Variants in PAH observed in about 807,000 individuals in gnomAD.
PAH encodes phenylalanine-4-hydroxylase.
Under a neutral mutation model 62.0 loss-of-function variants are expected in PAH, and 64 were observed. The observed-to-expected ratio is 1.03, with a 90% CI of 0.84 to 1.27. The LOEUF is 1.27. PAH is among the 50% of genes most tolerant of loss of function. The probability of loss-of-function intolerance (pLI) is 0.00; values close to 1 mark genes in which losing one functional copy is unlikely to be tolerated. For missense variants in PAH, 579 were observed against 542.8 expected, an observed-to-expected ratio of 1.07 and a Z score of -0.66; for synonymous variants, 195 against 196.2, an observed-to-expected ratio of 0.99 and a Z score of 0.05.
In PAH at chr12:102,879,972, C is replaced by G. The variant is rs143984382; in HGVS notation, c.353-2422G>C. 2.2e-3 allele frequency among the ~76,000 whole-genome samples: 341 copies of G among 152,286 alleles called. 2 individuals carry two copies. Among genetic ancestry groups the G allele is most frequent in the African/African-American group, 7.6e-3 (315 of 41,548 alleles). On this transcript the variant is annotated intron_variant, in intron 3 of 12. Transcript: ENST00000553106. ...CGTACTTGCTGTGTGTTGGACACTG[C>G]CCTAAACATTTCACATATGCTACCC...
chr12:102,955,911 T>C (rs1452189610), intron 1 of PAH, among the ~76,000 whole-genome samples: 1 of 152,074 alleles, frequency 6.6e-6, no homozygotes, highest in Non-Finnish European at 1.5e-5. Context: ...CACGATTTGG[T>C]CCTATACCTC....
rs189045511 is a variant in PAH, at chr12:102,898,621, G to A, written c.169-3703C>T. ...TTTCATACTTAAGTAACACTTTATA[G>A]TATAGAATTCTTTTCTGTGACCATC... is the stretch of plus-strand genomic sequence containing the variant. On this transcript the variant is annotated intron_variant, in intron 2 of 12. Coordinates refer to ENST00000553106, the MANE Select transcript of PAH (RefSeq NM_000277.3). Among the ~76,000 whole-genome samples, 64 of 152,302 alleles carry A rather than the reference G, an allele frequency of 4.2e-4. No homozygotes were observed. The East Asian group carries it at 0.011, about 27-fold the overall frequency.
intron 3 of PAH, among the ~76,000 whole-genome samples, chr12:102,879,612 G>T (rs921852318): frequency 1.3e-5 from 2 of 151,416 alleles, no homozygotes; most frequent in Non-Finnish European, 2.9e-5. Context: ...CTGTGGGGGG[G>T]GGGTACTATT....
At chr12:102,937,442 G>T (rs1879138860) in intron 1 of PAH, among the ~76,000 whole-genome samples, 1 of 151,716 alleles carries the variant, frequency 6.6e-6, no homozygotes, top group Non-Finnish European at 1.5e-5. Context: ...TTATTTGAGG[G>T]TACCAATGAG....
intron 3 of PAH, among the ~76,000 whole-genome samples, chr12:102,879,536 AC>A (rs1018058405): frequency 6.7e-6 from 1 of 150,218 alleles, no homozygotes; most frequent in African/African-American, 2.4e-5. Flanking sequence ...GAGCTGAGGA[AC>A]CTAGGCTCTC....
At chr12:102,950,708 CG>C (rs919900998) in exon 1 of PAH, 1 of 152,220 alleles carries the variant, frequency 6.6e-6, no homozygotes, top group Non-Finnish European at 1.5e-5. Context: ...CCCTGTTGAA[CG>C]CAAGAGCATC....
intron 4 of PAH, chr12:102,877,173 A>G: frequency 2.2e-6 from 1 of 454,698 alleles, no homozygotes. Context: ...GGCAGAAACA[A>G]TGATGATTTG....
chr12:102,844,224 G>A (rs1360832903), intron 10 of PAH, 112 bp downstream of exon 10: 5 of 763,766 alleles, frequency 6.5e-6, no homozygotes, highest in Admixed American at 6.0e-5. Context: ...TGAGTTCCCA[G>A]GTTGCATATC....
intron 4 of PAH, among the ~76,000 whole-genome samples, chr12:102,872,295 T>C (rs1001605118): frequency 2.0e-5 from 3 of 152,202 alleles, no homozygotes; most frequent in South Asian, 4.1e-4. Context: ...TATTTTCCGA[T>C]GACCACGTGT....
chr12:102,853,059 C>A (rs1204481225), intron 6 of PAH, 109 bp from the exon 7 acceptor site: 1 of 1,212,808 alleles, frequency 8.2e-7, no homozygotes, highest in Non-Finnish European at 1.2e-6. Context: ...GGGACATAGG[C>A]TTTGACGCTA....
chr12:102,849,804 T>C (rs1272272985), intron 8 of PAH, among the ~76,000 whole-genome samples: 1 of 152,138 alleles, frequency 6.6e-6, no homozygotes, highest in African/African-American at 2.4e-5. Flanking sequence ...TTCCCTGTGC[T>C]CCAGCCCCAC....
chr12:102,909,824 T>C (rs1475795338), intron 2 of PAH, among the ~76,000 whole-genome samples: 1 of 152,116 alleles, frequency 6.6e-6, no homozygotes, highest in Non-Finnish European at 1.5e-5. Context: ...CTGGGCATGG[T>C]GGCATGTGCC....
chr12:102,852,945 T>G lies in PAH; in HGVS notation c.712A>C (p.Thr238Pro), dbSNP rs199475577. 4 of 1,613,838 alleles carry G rather than the reference T, an allele frequency of 2.5e-6. No individual in the cohort carries two copies. Among genetic ancestry groups the G allele is most frequent in the African/African-American group, 1.3e-5 (1 of 74,852 alleles). Residue 238 changes from threonine (T) to proline (P), a missense_variant, in exon 7 of 13, where the codon ACT (threonine) becomes CCT (proline). By Grantham distance (38) the Thr-to-Pro change is conservative. Transcript: ENST00000553106. ...GCCACAGGTCGGAGGCGGAAACCAG[T>G]GCAAGCTGGGATGAAAAGAAGAAAG... ...EDVSQFLQTC[T>P]GFRLRPVAGL...
intron 1 of PAH, among the ~76,000 whole-genome samples, chr12:102,915,792 T>G (rs1214039544): frequency 2.0e-5 from 3 of 151,408 alleles, no homozygotes; most frequent in Non-Finnish European, 4.4e-5. Flanking sequence ...CATAGAAAAT[T>G]TTGGAACCAT....
At chr12:102,856,515 G>C (rs1430040833) in intron 5 of PAH, among the ~76,000 whole-genome samples, 1 of 152,162 alleles carries the variant, frequency 6.6e-6, no homozygotes, top group Non-Finnish European at 1.5e-5. Context: ...TTTGAGATCT[G>C]AGAACGTACA....
chr12:102,897,487 AT>A (rs1565867779), intron 2 of PAH, among the ~76,000 whole-genome samples: 3 of 140,332 alleles, frequency 2.1e-5, no homozygotes, highest in African/African-American at 8.9e-5. Context: ...ATATATATAT[AT>A]ATATAATTCA....
At chr12:102,892,725 T>A (rs569736647) in intron 3 of PAH, among the ~76,000 whole-genome samples, 1 of 152,334 alleles carries the variant, frequency 6.6e-6, no homozygotes, top group African/African-American at 2.4e-5. Context: ...CTATGTGACA[T>A]TCTTGAAAAA....
At chr12:102,841,790 A>G (rs1874606179) in intron 11 of PAH, among the ~76,000 whole-genome samples, 1 of 151,876 alleles carries the variant, frequency 6.6e-6, no homozygotes, top group Non-Finnish European at 1.5e-5. Context: ...TGGGTGATTT[A>G]CCCCTACCCT....
chr12:102,886,567 A>C (rs1005986778), intron 3 of PAH, among the ~76,000 whole-genome samples: 2 of 152,086 alleles, frequency 1.3e-5, no homozygotes, highest in African/African-American at 4.8e-5. Flanking sequence ...GTCACTGACA[A>C]CCCTAGTTAT....
Sources: allele counts gnomAD v4.1 joint callset (sites outside exome capture counted in the v4.1 genomes callset), GRCh38; gene constraint gnomAD v4.1.1; transcripts MANE v1.5; gene names NCBI Gene and HGNC (gene_info 2026-07-23, HGNC 2026-07-21).